ARHGEF10: variants seen among roughly 807,000 people sequenced by gnomAD.
ARHGEF10 encodes the protein Rho guanine nucleotide exchange factor (GEF) 10.
Under a neutral mutation model 147.4 loss-of-function variants are expected in ARHGEF10, and 140 were observed. That is an observed-to-expected ratio of 0.95 (90% CI 0.83 to 1.09). The LOEUF is 1.09. ARHGEF10 is among the 50% of genes least tolerant of loss of function. The probability of loss-of-function intolerance (pLI) is 0.00; values close to 1 mark genes in which losing one functional copy is unlikely to be tolerated. For synonymous variants in ARHGEF10, 902 were observed against 695.8 expected (o/e 1.30, Z -4.67); for missense variants, 2,222 against 1,752.7 (o/e 1.27, Z -4.78).
chr8:1,862,102 G>C (rs922480519), intron 4 of ARHGEF10, among the ~76,000 whole-genome samples: 6 of 152,200 alleles, frequency 3.9e-5, no homozygotes, highest in Admixed American at 1.3e-4. Context: ...GGATGTGAAC[G>C]CAGACCTCCT....
At chr8:1,836,756 T>C (rs913021816) in intron 1 of ARHGEF10, among the ~76,000 whole-genome samples, 58 of 152,122 alleles carry the variant, frequency 3.8e-4, no homozygotes, top group African/African-American at 1.4e-3. Context: ...CAACTTGAAT[T>C]GTATCTCCCA....
At chr8:1,927,591 G>T (rs917140824) in intron 23 of ARHGEF10, 1 of 152,260 alleles carries the variant, frequency 6.6e-6, no homozygotes, top group Non-Finnish European at 1.5e-5. Flanking sequence ...CACACAGGAA[G>T]TTCATGTACA....
intron 1 of ARHGEF10, among the ~76,000 whole-genome samples, chr8:1,841,039 T>C (rs1185436309): frequency 6.6e-6 from 1 of 152,070 alleles, no homozygotes; most frequent in Non-Finnish European, 1.5e-5. Flanking sequence ...GGCCGGTGGG[T>C]GGAAGGGCAA....
chr8:1,951,481 G>A (rs1009161882), intron 27 of ARHGEF10, among the ~76,000 whole-genome samples: 3 of 152,200 alleles, frequency 2.0e-5, no homozygotes, highest in Non-Finnish European at 4.4e-5. Context: ...AGAACCAAAT[G>A]TCTTTCTTTT....
intron 1 of ARHGEF10, among the ~76,000 whole-genome samples, chr8:1,825,659 A>C (rs1802729857): frequency 6.6e-6 from 1 of 152,018 alleles, no homozygotes; most frequent in Non-Finnish European, 1.5e-5. Context: ...GTGAGGTCTG[A>C]GTACCCCTCC....
rs747545887 is a variant in ARHGEF10 at position 1,958,027 on chromosome 8, C to T, written c.*764C>T. 1.3e-5 allele frequency: 2 copies of T among 152,210 alleles called. No homozygotes were observed. The highest frequency in any genetic ancestry group is 2.9e-5 in the Non-Finnish European group (2 of 68,048). The allele number at this position is 152,210 out of a possible 1,614,324, so 9.4% of individuals were successfully genotyped here. On this transcript the variant is annotated 3_prime_UTR_variant, in exon 29 of 29. Coordinates refer to ENST00000349830, the MANE Select transcript of ARHGEF10 (RefSeq NM_014629.4). ...CTCAAGCATCAACACCAAATTATTC[C>T]TCCCTTCTCGTATAAATAGAGTGAC...
chr8:1,862,115 C>G (rs1216342462), intron 4 of ARHGEF10, among the ~76,000 whole-genome samples: 1 of 152,216 alleles, frequency 6.6e-6, no homozygotes. Flanking sequence ...GACCTCCTTC[C>G]TGGGAGGTGG....
chr8:1,885,381 A>G (rs1808568951), intron 10 of ARHGEF10, among the ~76,000 whole-genome samples: 1 of 152,240 alleles, frequency 6.6e-6, no homozygotes, highest in Non-Finnish European at 1.5e-5. Flanking sequence ...AACTTTAAAT[A>G]CTGAAAATTT....
intron 10 of ARHGEF10, 39 bp downstream of exon 10, chr8:1,882,788 G>A (rs1453468934): frequency 2.2e-6 from 3 of 1,335,096 alleles, no homozygotes; most frequent in African/African-American, 3.4e-5. Flanking sequence ...AGGACACGGG[G>A]TTGGGGGGGG....
chr8:1,894,909 T>A (rs1242008774), intron 13 of ARHGEF10, among the ~76,000 whole-genome samples: 1 of 152,234 alleles, frequency 6.6e-6, no homozygotes, highest in Non-Finnish European at 1.5e-5. Flanking sequence ...GCCGTGTGTT[T>A]GGCAATGTTG....
intron 8 of ARHGEF10, among the ~76,000 whole-genome samples, chr8:1,879,792 A>T (rs563072527): frequency 1.5e-4 from 23 of 152,120 alleles, no homozygotes; most frequent in Non-Finnish European, 2.6e-4. Context: ...AGCTCAATTG[A>T]TCCTCCCACC....
intron 12 of ARHGEF10, 62 bp from the exon 13 acceptor site, chr8:1,894,331 C>G (rs1809793248): frequency 3.8e-6 from 6 of 1,590,190 alleles, no homozygotes; most frequent in Non-Finnish European, 5.2e-6. Context: ...CCCTGGACAA[C>G]AAAACAAGAC....
chr8:1,902,201 C>T (rs1310527547), intron 15 of ARHGEF10, among the ~76,000 whole-genome samples: 1 of 152,120 alleles, frequency 6.6e-6, no homozygotes, highest in Non-Finnish European at 1.5e-5. Flanking sequence ...TCCCTGTGTC[C>T]ATGTGATCTC....
rs747191782 is a variant in ARHGEF10 at position 1,957,036 on chromosome 8, A to C, written c.3808A>C (p.Ser1270Arg). ...SGSLSLSHGS[S>R]SLEHRSEDST... is the part of the protein sequence containing the mutation. ...GTCCCTGAGCTTGTCTCACGGCTCC[A>C]GCTCTCTAGAGCACAGATCAGAGGA... The change falls in exon 29 of 29, where the codon AGC (serine) becomes CGC (arginine). Residue 1270 changes from serine to arginine, a missense_variant. Ser to Arg is a moderately radical substitution (Grantham distance 110). Coordinates refer to ENST00000349830, the MANE Select transcript of ARHGEF10 (RefSeq NM_014629.4). The C allele has an allele frequency of 1.2e-6, 2 of 1,613,954 alleles. No homozygotes were observed. The highest frequency in any genetic ancestry group is 1.7e-6 in the Non-Finnish European group (2 of 1,180,040).
At chr8:1,868,844 T>C (rs1329822558) in intron 6 of ARHGEF10, among the ~76,000 whole-genome samples, 1 of 152,174 alleles carries the variant, frequency 6.6e-6, no homozygotes. Context: ...TATAGAAGTG[T>C]GTAATTGAAC....
chr8:1,923,557 C>T lies in ARHGEF10; in HGVS notation c.2349C>T (p.Cys783=). 1 of 1,614,114 alleles carries T rather than the reference C, an allele frequency of 6.2e-7. No homozygotes were observed. The highest frequency in any genetic ancestry group is 8.5e-7 in the Non-Finnish European group (1 of 1,180,052). The change falls in exon 20 of 29, where the codon TGC becomes TGT. Residue 783 remains cysteine, a synonymous_variant. Transcript: ENST00000349830. ...AAGATGAAATCAGAGCTGCGGACTG[C>T]TGCAGAATTCAGTTACAGCTTCCCG... ...KKEDEIRAAD[C]CRIQLQLPGK...
At chr8:1,940,938 A>T (rs1814039981) in intron 26 of ARHGEF10, among the ~76,000 whole-genome samples, 1 of 152,242 alleles carries the variant, frequency 6.6e-6, no homozygotes, top group African/African-American at 2.4e-5. Context: ...TTATGATAAA[A>T]ACAATCAAAC....
chr8:1,887,288 TGTGA>T (rs1808747088), intron 11 of ARHGEF10, among the ~76,000 whole-genome samples: 1 of 151,848 alleles, frequency 6.6e-6, no homozygotes, highest in Non-Finnish European at 1.5e-5. Context: ...ATAACAGGAG[TGTGA>T]GTGACTCAGG....
At chr8:1,855,385 C>A (rs570740210) in intron 2 of ARHGEF10, among the ~76,000 whole-genome samples, 7 of 151,882 alleles carry the variant, frequency 4.6e-5, no homozygotes, top group Admixed American at 4.6e-4. Context: ...AGAACAGAAA[C>A]TTTTTTTGGG....
Sources: allele counts gnomAD v4.1 joint callset (sites outside exome capture counted in the v4.1 genomes callset), GRCh38; gene constraint gnomAD v4.1.1; transcripts MANE v1.5; gene names NCBI Gene and HGNC (gene_info 2026-07-23, HGNC 2026-07-21).